ARSF: variants seen among roughly 807,000 people sequenced by gnomAD.
ARSF encodes the protein arylsulfatase F.
In ARSF, 33 loss-of-function variants were observed where a neutral mutation model predicts 35.4. The observed-to-expected ratio is 0.93, with a 90% CI of 0.71 to 1.25. The LOEUF (loss-of-function observed/expected upper bound fraction) is 1.25. Among genes scored for constraint, ARSF ranks in the 50% most tolerant of loss-of-function variants. ARSF has a pLI of 0.00. For synonymous variants in ARSF, 222 were observed against 193.1 expected, an observed-to-expected ratio of 1.15 and a Z score of -1.24; for missense variants, 501 against 480.2, an observed-to-expected ratio of 1.04 and a Z score of -0.40.
At chrX:3,066,461 A>G (rs2090066649) in intron 1 of ARSF, among the ~76,000 whole-genome samples, 1 of 111,464 alleles carries the variant, frequency 9.0e-6, no homozygotes, top group Admixed American at 9.6e-5. Flanking sequence ...ACTGCTATAG[A>G]CCATGAGGTC....
chrX:3,080,847 G>C, intron 4 of ARSF, 44 bp from the exon 5 acceptor site: 6 of 1,200,625 alleles, frequency 5.0e-6, no homozygotes, highest in Non-Finnish European at 6.7e-6. Context: ...TATTCCCTCT[G>C]TAGCAACACC....
intron 1 of ARSF, among the ~76,000 whole-genome samples, chrX:3,048,066 A>C (rs1413408649): frequency 9.0e-6 from 1 of 111,521 alleles, no homozygotes; most frequent in African/African-American, 3.3e-5. Context: ...AATATGGAGG[A>C]AACTGCCACC....
intron 7 of ARSF, among the ~76,000 whole-genome samples, chrX:3,094,228 G>C (rs952696569): frequency 1.8e-5 from 2 of 111,700 alleles, no homozygotes; most frequent in Admixed American, 9.5e-5. Flanking sequence ...TTTGGTGGCT[G>C]CTCCTGGAGA....
intron 1 of ARSF, among the ~76,000 whole-genome samples, chrX:3,044,818 G>A (rs2089968469): frequency 9.2e-6 from 1 of 109,267 alleles, no homozygotes; most frequent in Admixed American, 1.0e-4. Flanking sequence ...ACAGGATAGG[G>A]GGCAGGGCAG....
At chrX:3,082,546 C>T (rs758248349) in intron 5 of ARSF, among the ~76,000 whole-genome samples, 1 of 111,139 alleles carries the variant, frequency 9.0e-6, no homozygotes. Flanking sequence ...CTATATCTGT[C>T]TATTTATCTA....
intron 2 of ARSF, among the ~76,000 whole-genome samples, chrX:3,071,291 T>TTTGTTGTTG (rs561564476): frequency 9.1e-6 from 1 of 110,165 alleles, no homozygotes; most frequent in African/African-American, 3.3e-5. Context: ...GCAAGTGTCT[T>TTTGTTGTTG]TTGTTGTTGT....
intron 1 of ARSF, among the ~76,000 whole-genome samples, chrX:3,060,838 T>C (rs1261740324): frequency 8.9e-6 from 1 of 111,746 alleles, no homozygotes. Context: ...CTACATCTGA[T>C]TGGTGTACCT....
chrX:3,094,127 G>A lies in ARSF; in HGVS notation c.967+4495G>A, dbSNP rs188609028. 7.2e-5 allele frequency among the ~76,000 whole-genome samples: 8 copies of A among 111,756 alleles called. No homozygotes were observed. In the East Asian group the frequency reaches 2.3e-3, roughly 32 times the overall value. On this transcript the variant is annotated intron_variant, in intron 7 of 10. Coordinates refer to ENST00000381127, the MANE Select transcript of ARSF (RefSeq NM_001201539.2). ...CATGCACTGTTACCAGTGTATTCTG[G>A]ATGAATCCCCACAACATCCCCGGAG... is the stretch of plus-strand genomic sequence containing the variant.
At chrX:3,061,770 C>A (rs2090043069) in intron 1 of ARSF, among the ~76,000 whole-genome samples, 1 of 111,696 alleles carries the variant, frequency 9.0e-6, no homozygotes, top group South Asian at 3.8e-4. Flanking sequence ...AATATATATG[C>A]ACCCAATACA....
intron 6 of ARSF, among the ~76,000 whole-genome samples, chrX:3,084,995 T>C (rs1308473468): frequency 9.0e-6 from 1 of 111,201 alleles, no homozygotes; most frequent in East Asian, 2.8e-4. Context: ...GTATTAAAAA[T>C]ATTGAGTTAG....
rs1467145979 is a variant in ARSF at position 3,085,843 on chromosome X, AG to A, written c.830+1180del. Among the ~76,000 whole-genome samples the A allele has an allele frequency of 5.4e-5, 6 of 110,545 alleles. No homozygotes were observed. The East Asian group carries it at 1.7e-3, about 31-fold the overall frequency. On this transcript the variant is annotated intron_variant, in intron 6 of 10. Coordinates refer to ENST00000381127, the MANE Select transcript of ARSF (RefSeq NM_001201539.2). ...GGCTCAGCACTCTGGGAGGCCGAGG[AG>A]GGTGGATCATCTGAGACCAGCCTGA...
At chrX:3,090,505 C>CA (rs1169470367) in intron 7 of ARSF, among the ~76,000 whole-genome samples, 1 of 110,984 alleles carries the variant, frequency 9.0e-6, no homozygotes, top group African/African-American at 3.3e-5. Context: ...CCTGTCTCTA[C>CA]AAAAATACAA....
At chrX:3,100,587 G>GTTTTTTGT (rs372768525) in intron 7 of ARSF, among the ~76,000 whole-genome samples, 16,539 of 109,966 alleles carry the variant, frequency 0.15, 1,064 homozygotes, top group Middle Eastern at 0.19. Flanking sequence ...TGGACTCTCA[G>GTTTTTTGT]TTTTTTGTTT....
intron 9 of ARSF, among the ~76,000 whole-genome samples, chrX:3,107,645 T>C (rs1392391923): frequency 9.0e-6 from 1 of 111,501 alleles, no homozygotes; most frequent in African/African-American, 3.2e-5. Flanking sequence ...ACTATAAAGC[T>C]AGAGTAATCA....
chrX:3,093,628 C>T (rs1382259416), intron 7 of ARSF, among the ~76,000 whole-genome samples: 1 of 112,053 alleles, frequency 8.9e-6, no homozygotes, highest in African/African-American at 3.2e-5. Context: ...CATGGTGCAT[C>T]TGTACCACAT....
At chrX:3,049,894 C>A (rs2089989965) in intron 1 of ARSF, among the ~76,000 whole-genome samples, 1 of 110,275 alleles carries the variant, frequency 9.1e-6, no homozygotes, top group African/African-American at 3.3e-5. Flanking sequence ...GAGTTTCGCT[C>A]TTGTTGCCCA....
intron 8 of ARSF, among the ~76,000 whole-genome samples, 192 bp from the exon 9 acceptor site, chrX:3,103,570 T>C (rs1209303632): frequency 8.9e-6 from 1 of 111,732 alleles, no homozygotes; most frequent in Non-Finnish European, 1.9e-5. Flanking sequence ...AGTTATTTAA[T>C]CAAAAACCTA....
intron 4 of ARSF, among the ~76,000 whole-genome samples, chrX:3,079,664 G>C (rs968621520): frequency 3.6e-5 from 4 of 109,634 alleles, no homozygotes; most frequent in African/African-American, 1.3e-4. Context: ...ATTTTTAAAG[G>C]TGAGGGAAGT....
intron 7 of ARSF, among the ~76,000 whole-genome samples, chrX:3,092,439 A>G (rs768326242): frequency 1.2e-4 from 13 of 111,965 alleles, no homozygotes; most frequent in Middle Eastern, 4.6e-3. Context: ...CAAAGCTCCC[A>G]AAGTATCTAA....
Sources: allele counts gnomAD v4.1 joint callset (sites outside exome capture counted in the v4.1 genomes callset), GRCh38; gene constraint gnomAD v4.1.1; transcripts MANE v1.5; gene names NCBI Gene and HGNC (gene_info 2026-07-23, HGNC 2026-07-21).